The following SHQ1 variants were observed in gnomAD, a reference collection of about 807,000 sequenced individuals.
SHQ1 encodes the protein SHQ1, H/ACA ribonucleoprotein assembly factor.
A neutral mutation model predicts 53.8 loss-of-function variants in SHQ1; 49 were observed. That is an observed-to-expected ratio of 0.91 (90% CI 0.72 to 1.16). SHQ1 has a LOEUF of 1.16. SHQ1 is among the 50% of genes most tolerant of loss of function. The pLI, the probability that SHQ1 is intolerant of heterozygous loss-of-function variation, is 0.00. For missense variants in SHQ1, 738 were observed against 683.1 expected (o/e 1.08, Z -0.90); for synonymous variants, 243 against 251.0 (o/e 0.97, Z 0.30).
chr3:72,846,298 C>CTTTTTT, intron 1 of SHQ1: 1 of 1,423,730 alleles, frequency 7.0e-7, no homozygotes, highest in Non-Finnish European at 9.2e-7. Context: ...ACTGTATGTT[C>CTTTTTT]TTTTTTTTTT....
At chr3:72,772,540 T>C (rs776015500) in intron 10 of SHQ1, 5 of 665,790 alleles carry the variant, frequency 7.5e-6, no homozygotes, top group Non-Finnish European at 1.4e-5. Context: ...CAACCTAAGC[T>C]TTAGAGCATG....
At chr3:72,839,938 T>A (rs994239076) in intron 4 of SHQ1, among the ~76,000 whole-genome samples, 2 of 151,918 alleles carry the variant, frequency 1.3e-5, no homozygotes, top group Non-Finnish European at 2.9e-5. Flanking sequence ...TTTTTTGTAT[T>A]TTTAGTAGAG....
At chr3:72,766,725 C>T (rs749895374) in intron 10 of SHQ1, among the ~76,000 whole-genome samples, 1 of 152,054 alleles carries the variant, frequency 6.6e-6, no homozygotes, top group Non-Finnish European at 1.5e-5. Flanking sequence ...GCAGGTCTGC[C>T]GGTGAAGGGA....
At chr3:72,784,375 C>T (rs1460433582) in intron 10 of SHQ1, among the ~76,000 whole-genome samples, 1 of 152,114 alleles carries the variant, frequency 6.6e-6, no homozygotes, top group Admixed American at 6.6e-5. Context: ...GCAACAGTCC[C>T]CAGTGGGCAC....
At chr3:72,829,597 C>T (rs1278633109) in intron 5 of SHQ1, among the ~76,000 whole-genome samples, 1 of 152,222 alleles carries the variant, frequency 6.6e-6, no homozygotes, top group East Asian at 1.9e-4. Context: ...ACCTCAGAAG[C>T]AGGTGATCTT....
chr3:72,787,817 T>C (rs557708288), intron 10 of SHQ1, among the ~76,000 whole-genome samples: 1 of 150,882 alleles, frequency 6.6e-6, no homozygotes, highest in Admixed American at 6.6e-5. Context: ...CCTCCCTGCC[T>C]GATTCTCCTG....
the SHQ1 span, among the ~76,000 whole-genome samples, chr3:72,742,541 T>C: frequency 2.6e-5 from 4 of 152,056 alleles, no homozygotes; most frequent in East Asian, 7.7e-4. Flanking sequence ...CTCATGTTTC[T>C]ACAAAGAAAA....
At chr3:72,758,141 T>C (rs533282625) in intron 10 of SHQ1, among the ~76,000 whole-genome samples, 1 of 152,276 alleles carries the variant, frequency 6.6e-6, no homozygotes, top group African/African-American at 2.4e-5. Flanking sequence ...GAAATTCCTA[T>C]CTTGAATCTG....
intron 10 of SHQ1, among the ~76,000 whole-genome samples, chr3:72,780,999 A>G (rs1190195339): frequency 1.3e-5 from 2 of 151,752 alleles, no homozygotes; most frequent in Non-Finnish European, 2.9e-5. Flanking sequence ...GGCAGAATAT[A>G]GAAGCAAATA....
At chr3:72,774,290 A>G (rs754522097) in intron 10 of SHQ1, among the ~76,000 whole-genome samples, 14 of 152,218 alleles carry the variant, frequency 9.2e-5, no homozygotes, top group Non-Finnish European at 1.8e-4. Flanking sequence ...AAATAGACAA[A>G]ATATATCAGT....
intron 10 of SHQ1, chr3:72,773,548 A>G (rs1437554392): frequency 4.6e-6 from 1 of 216,750 alleles, no homozygotes; most frequent in Non-Finnish European, 9.2e-6. Flanking sequence ...GGCATTTCAG[A>G]ACTGTCAGAC....
At chr3:72,786,917 G>A (rs1240986970) in intron 10 of SHQ1, among the ~76,000 whole-genome samples, 1 of 152,210 alleles carries the variant, frequency 6.6e-6, no homozygotes, top group African/African-American at 2.4e-5. Context: ...ACAACAGAGA[G>A]CCAGAAGGAA....
chr3:72,846,114 G>A, intron 1 of SHQ1: 2 of 1,167,038 alleles, frequency 1.7e-6, no homozygotes, highest in East Asian at 2.6e-5. Flanking sequence ...CACAACAGGT[G>A]AGCATTCAGA....
At chr3:72,787,721 C>G (rs1447813152) in intron 10 of SHQ1, among the ~76,000 whole-genome samples, 2 of 152,082 alleles carry the variant, frequency 1.3e-5, no homozygotes, top group African/African-American at 4.8e-5. Flanking sequence ...CCCCCTCCCC[C>G]TCCCTCTCCC....
chr3:72,753,770 T>A, intron 10 of SHQ1: 1 of 349,796 alleles, frequency 2.9e-6, no homozygotes, highest in Non-Finnish European at 4.0e-6. Flanking sequence ...GAGGCATTTT[T>A]AAAAGCATAG....
At chr3:72,810,857 A>C (rs1707098316) in intron 9 of SHQ1, among the ~76,000 whole-genome samples, 1 of 152,204 alleles carries the variant, frequency 6.6e-6, no homozygotes, top group Admixed American at 6.5e-5. Flanking sequence ...CAAATTAGTC[A>C]CAGAACACAC....
chr3:72,725,771 G>T, the SHQ1 span, among the ~76,000 whole-genome samples: 1 of 152,114 alleles, frequency 6.6e-6, no homozygotes, highest in African/African-American at 2.4e-5. Flanking sequence ...TACCTCAGGT[G>T]TCAACCTCAC....
At chr3:72,748,329 C>CAAAAAAAAAAAAAA (rs572927520), downstream of SHQ1, among the ~76,000 whole-genome samples, 20 of 58,776 alleles carry the variant, frequency 3.4e-4, 2 homozygotes, top group African/African-American at 4.7e-4. Flanking sequence ...ATGAGGCATG[C>CAAAAAAAAAAAAAA]AAAAAAAAAA....
At chr3:72,797,681 T>C (rs985155950) in intron 9 of SHQ1, among the ~76,000 whole-genome samples, 1 of 152,244 alleles carries the variant, frequency 6.6e-6, no homozygotes, top group Non-Finnish European at 1.5e-5. Flanking sequence ...AGCCTTAAAC[T>C]ACTTTCATAG....
Sources: gnomAD v4.1 joint callset for allele counts (sites outside exome capture counted in the v4.1 genomes callset) on GRCh38, gnomAD v4.1.1 for gene constraint, MANE v1.5 for transcripts, NCBI Gene and HGNC (gene_info 2026-07-23, HGNC 2026-07-21) for gene names.